Variants in ZCCHC14 observed in about 807,000 individuals in gnomAD.
ZCCHC14 encodes the protein zinc finger CCHC-type containing 14.
In ZCCHC14, 16 loss-of-function variants were observed where a neutral mutation model predicts 85.0. That is an observed-to-expected ratio of 0.19 (90% CI 0.13 to 0.29). The LOEUF is 0.29. Ranked by LOEUF, ZCCHC14 falls within the 10% of genes least tolerant of loss-of-function variation. ZCCHC14 has a pLI of 1.00. For missense variants in ZCCHC14, 1,303 were observed against 1,443.5 expected (o/e 0.90, Z 1.58); for synonymous variants, 775 against 630.7 (o/e 1.23, Z -3.43).
In ZCCHC14 at chr16:87,418,878, T is replaced by C; in HGVS notation, c.1069A>G (p.Lys357Glu). 1 of 1,613,192 alleles carries C rather than the reference T, an allele frequency of 6.2e-7. No homozygotes were observed. The highest frequency in any genetic ancestry group is 8.5e-7 in the Non-Finnish European group (1 of 1,179,406). The stretch of plus-strand genomic sequence containing the variant: ...GACACGCCCATCACGGTACCTACTT[T>C]AGAAAGGGAGGGATTGCCAGGACCT... ...SPSPGNPSLS[K>E]VGTVMGVSGR... Residue 357 changes from lysine (K) to glutamate (E), a missense_variant, in exon 7 of 13, where the codon AAA becomes GAA. By Grantham distance (56) the Lys-to-Glu change is moderately conservative. Around this residue, in one of 7 missense-constraint regions of ZCCHC14, gnomAD observed 389 missense variants for 397.8 expected, o/e 0.98. Transcript: ENST00000671377.
Position 87,411,796 on chromosome 16 carries a change from G to A in ZCCHC14, c.2925C>T (p.Ala975=). ...AGGTGGAGCCGCCGCCGTACTGCTG[G>A]GCGCTGACGTAGCCGCTGCTGCACA... ...SPMCSSGYVS[A]QQYGGGSTFP... The change falls in exon 12 of 13, where the codon GCC becomes GCT. Residue 975 remains alanine (A), a synonymous_variant. Transcript: ENST00000671377. 1.9e-6 allele frequency: 3 copies of A among 1,612,392 alleles called. No homozygotes were observed. Among genetic ancestry groups the A allele is most frequent in the East Asian group, 2.2e-5 (1 of 44,844 alleles).
Position 87,407,001 on chromosome 16 carries a change from CATAAA to C in ZCCHC14, c.*3274_*3278del, listed in dbSNP as rs767286014. 6.6e-6 allele frequency: 1 copy of C among 152,206 alleles called. No individual in the cohort carries two copies. Among genetic ancestry groups the C allele is most frequent in the Non-Finnish European group, 1.5e-5 (1 of 68,086 alleles). 9.4% of individuals were successfully genotyped at this position (152,206 alleles called of 1,614,324 possible). A position where few individuals can be genotyped will look rare whatever the true frequency, so the allele number is the denominator to read the frequency against. ...TCATCATGATGTACAACGAGCAAGGCATAAAATAAAACACTGGGAAGCAGGAAGAG... is the reference window on the plus strand; with the variant it reads ...TCATCATGATGTACAACGAGCAAGGCATAAAACACTGGGAAGCAGGAAGAG... On this transcript the variant is annotated 3_prime_UTR_variant, in exon 13 of 13. Transcript: ENST00000671377.
intron 1 of ZCCHC14, among the ~76,000 whole-genome samples, chr16:87,477,022 G>C (rs1188462508): frequency 6.6e-6 from 1 of 150,678 alleles, no homozygotes; most frequent in Admixed American, 6.6e-5. Context: ...CTACTCAGGA[G>C]GCTGAGGCGG....
intron 2 of ZCCHC14, among the ~76,000 whole-genome samples, chr16:87,456,963 C>T (rs1051444700): frequency 2.0e-5 from 3 of 152,198 alleles, no homozygotes; most frequent in African/African-American, 7.2e-5. Flanking sequence ...ACAGAACTTA[C>T]TTTGTTGAGA....
chr16:87,481,449 T>C (rs1912261621), intron 1 of ZCCHC14, among the ~76,000 whole-genome samples: 1 of 149,334 alleles, frequency 6.7e-6, no homozygotes, highest in African/African-American at 2.5e-5. Context: ...CCTGGCATAC[T>C]GCCTCAAATC....
Position 87,412,017 on chromosome 16 carries a change from G to A in ZCCHC14, c.2704C>T (p.His902Tyr). The change falls in exon 12 of 13, where the codon CAC becomes TAC. Residue 902 changes from histidine to tyrosine, a missense_variant. Transcript: ENST00000671377. Reference sequence around the variant, plus strand: ...GGGGGCTGCTGATGGTGGTGGTGGTGGTGGTGGTTCGGATTCGAGGCAGGA... The same window carrying A: ...GGGGGCTGCTGATGGTGGTGGTGGTAGTGGTGGTTCGGATTCGAGGCAGGA... ...NIPASNPNHH[H>Y]HHHHQQPPAP... The A allele has an allele frequency of 6.2e-7, 1 of 1,609,556 alleles. No individual in the cohort carries two copies. Among genetic ancestry groups the A allele is most frequent in the Non-Finnish European group, 8.5e-7 (1 of 1,179,862 alleles).
chr16:87,438,376 A>C (rs748473280), intron 2 of ZCCHC14, among the ~76,000 whole-genome samples: 4 of 152,260 alleles, frequency 2.6e-5, no homozygotes, highest in Non-Finnish European at 5.9e-5. Flanking sequence ...GGCTCTTTCA[A>C]TAAAACTATG....
intron 12 of ZCCHC14, among the ~76,000 whole-genome samples, chr16:87,411,056 C>T (rs1024374945): frequency 5.3e-5 from 8 of 152,196 alleles, no homozygotes; most frequent in South Asian, 2.1e-4. Context: ...CAGGAGGGAA[C>T]GGAAGATGCA....
Position 87,420,308 on chromosome 16 carries a change from C to T in ZCCHC14, c.950+299G>A, listed in dbSNP as rs1310743223. On this transcript the variant is annotated intron_variant, in intron 5 of 12. Transcript: ENST00000671377. This position sits in a 1 kb window ranked among gnomAD's most constrained non-coding sequence, Gnocchi z 5.0. ...CGCCAATTTTATCTGGGAATAGTCT[C>T]AACCTTGGACTACAGGATGGAAACA... Among the ~76,000 whole-genome samples the T allele has an allele frequency of 6.6e-6, 1 of 152,216 alleles. No individual in the cohort carries two copies. The highest frequency in any genetic ancestry group is 2.4e-5 in the African/African-American group (1 of 41,464).
At chr16:87,415,712 A>C (rs913426609) in intron 8 of ZCCHC14, among the ~76,000 whole-genome samples, 4 of 152,172 alleles carry the variant, frequency 2.6e-5, no homozygotes, top group Non-Finnish European at 5.9e-5. Context: ...CAGCAGGTAC[A>C]TGCTTTGGGG....
At chr16:87,442,954 T>C (rs920254040) in intron 2 of ZCCHC14, among the ~76,000 whole-genome samples, 21 of 152,198 alleles carry the variant, frequency 1.4e-4, no homozygotes, top group Non-Finnish European at 2.8e-4. Context: ...GAGGACTGTT[T>C]GTCAGCGGGC....
At chr16:87,445,823 AT>A (rs1296015046) in intron 2 of ZCCHC14, among the ~76,000 whole-genome samples, 1 of 152,220 alleles carries the variant, frequency 6.6e-6, no homozygotes, top group Non-Finnish European at 1.5e-5. Context: ...AAATTTTAAA[AT>A]AAAGCAAATT....
intron 2 of ZCCHC14, among the ~76,000 whole-genome samples, chr16:87,457,595 T>C (rs1323085613): frequency 1.3e-5 from 2 of 152,234 alleles, no homozygotes; most frequent in African/African-American, 4.8e-5. Context: ...TTTTACATAC[T>C]AAGAAATTTT....
At chr16:87,427,692 C>CA (rs1280424681) in intron 3 of ZCCHC14, among the ~76,000 whole-genome samples, 1 of 152,130 alleles carries the variant, frequency 6.6e-6, no homozygotes, top group African/African-American at 2.4e-5. Flanking sequence ...AGTTGGAGTG[C>CA]AGTGGCATGA....
chr16:87,412,962 A>C lies in ZCCHC14; in HGVS notation c.1759T>G (p.Leu587Val). ...EENDRRVEIH[L>V]ESSDKEKPVM... is the part of the protein sequence containing the mutation. ...GGCTTCTCCTTGTCAGAGCTCTCCAAGTGAATCTCCACACCTAGAGAGGGA... is the reference window on the plus strand; with the variant it reads ...GGCTTCTCCTTGTCAGAGCTCTCCACGTGAATCTCCACACCTAGAGAGGGA... Residue 587 changes from leucine (L) to valine (V), a missense_variant, in exon 12 of 13, where the codon TTG becomes GTG. Coordinates refer to ENST00000671377, the MANE Select transcript of ZCCHC14 (RefSeq NM_015144.3). 1 of 1,610,942 alleles carries C rather than the reference A, an allele frequency of 6.2e-7. No homozygotes were observed. Among genetic ancestry groups the C allele is most frequent in the East Asian group, 2.2e-5 (1 of 44,850 alleles).
chr16:87,411,635 A>C lies in ZCCHC14; in HGVS notation c.3086T>G (p.Val1029Gly), dbSNP rs546763044. 8 of 1,613,910 alleles carry C rather than the reference A, an allele frequency of 5.0e-6. No individual in the cohort carries two copies. The Admixed American group carries it at 1.0e-4, about 20-fold the overall frequency. ...GTGACTGGAACCATTGCTACTGCCCACCAGTCCTTGGGTCTGGTACACCCC... is the reference window on the plus strand; with the variant it reads ...GTGACTGGAACCATTGCTACTGCCCCCCAGTCCTTGGGTCTGGTACACCCC... Reference protein sequence around the residue: ...TAGVYQTQGLVGSSNGSSHKK... With the variant: ...TAGVYQTQGLGGSSNGSSHKK... The change falls in exon 12 of 13, where the codon GTG becomes GGG. Residue 1029 changes from valine (V) to glycine (G), a missense_variant. Physicochemically the swap from Val to Gly is moderately radical, Grantham distance 109 (BLOSUM62 -3). This residue lies in a region of ZCCHC14 where 797 missense variants were observed against 730.8 expected (regional missense o/e 1.09). Transcript: ENST00000671377.
At chr16:87,443,807 C>A (rs1416805392) in intron 2 of ZCCHC14, among the ~76,000 whole-genome samples, 8 of 152,006 alleles carry the variant, frequency 5.3e-5, no homozygotes, top group Admixed American at 2.6e-4. Flanking sequence ...GAGGCTGAGG[C>A]AGGCAGATCA....
At chr16:87,451,706 G>A (rs920006552) in intron 2 of ZCCHC14, among the ~76,000 whole-genome samples, 1 of 152,246 alleles carries the variant, frequency 6.6e-6, no homozygotes, top group African/African-American at 2.4e-5. Flanking sequence ...GCAGAGGGAT[G>A]CTACAGTCAG....
In ZCCHC14 at chr16:87,412,046, T is replaced by G. The variant is rs77713917; in HGVS notation, c.2675A>C (p.Asn892Thr). The change falls in exon 12 of 13, where the codon AAC becomes ACC. Residue 892 changes from asparagine (N) to threonine (T), a missense_variant. Asn to Thr is a moderately conservative substitution (Grantham distance 65, BLOSUM62 0). This residue lies in a region of ZCCHC14 where 797 missense variants were observed against 730.8 expected (regional missense o/e 1.09). Transcript: ENST00000671377. The part of the protein sequence containing the change: ...SSSGGGGSTG[N>T]IPASNPNHHH... The stretch of plus-strand genomic sequence containing the variant: ...GTGGTTCGGATTCGAGGCAGGAATG[T>G]TTCCTGTGGAGCCGCCACCGCCACT... The G allele has an allele frequency of 1.1e-4, 174 of 1,609,494 alleles. 1 individual carries two copies. The East Asian group carries it at 3.8e-3, about 35-fold the overall frequency.
Sources: allele counts gnomAD v4.1 joint callset (sites outside exome capture counted in the v4.1 genomes callset), GRCh38; gene constraint gnomAD v4.1.1; regional missense constraint gnomAD v4.1.1; non-coding constraint Gnocchi (gnomAD v3.1); transcripts MANE v1.5; gene names NCBI Gene and HGNC (gene_info 2026-07-23, HGNC 2026-07-21).